KIF13A: variants seen among roughly 807,000 people sequenced by gnomAD.
KIF13A encodes the protein kinesin-like protein KIF13A.
KIF13A carries 79 observed loss-of-function variants against 212.2 expected under a neutral mutation model. The observed-to-expected ratio is 0.37, with a 90% CI of 0.31 to 0.45. The LOEUF (loss-of-function observed/expected upper bound fraction) is 0.45, where lower values mean the gene tolerates loss of function less well. Ranked by LOEUF, KIF13A falls within the 20% of genes least tolerant of loss-of-function variation. The pLI is 1.00. For missense variants in KIF13A, 1,901 were observed against 2,209.0 expected (o/e 0.86, Z 2.79); for synonymous variants, 789 against 808.6 (o/e 0.98, Z 0.41).
At chr6:17,788,313 A>G (rs147397095) in intron 26 of KIF13A, among the ~76,000 whole-genome samples, 70 of 152,338 alleles carry the variant, frequency 4.6e-4, no homozygotes, top group African/African-American at 1.5e-3. Context: ...GTGGTCTGAT[A>G]ACATAGATTT....
chr6:17,956,559 A>G (rs370897245), intron 2 of KIF13A, among the ~76,000 whole-genome samples: 81 of 152,330 alleles, frequency 5.3e-4, no homozygotes, highest in African/African-American at 1.8e-3. Context: ...AGGCTGTGAT[A>G]TTATGGTGAT....
chr6:17,965,097 T>G (rs1229447326), intron 2 of KIF13A, among the ~76,000 whole-genome samples: 1 of 152,146 alleles, frequency 6.6e-6, no homozygotes, highest in Non-Finnish European at 1.5e-5. Context: ...CCCATAGCGC[T>G]GAGATTAAGG....
At position 17,781,035 on chromosome 6, in the gene KIF13A, T is replaced by C. The variant is rs1760521821; in HGVS notation, c.3670-129A>G. The C allele has an allele frequency of 3.6e-6, 5 of 1,373,550 alleles. No homozygotes were observed. In the South Asian group the frequency reaches 5.2e-5, roughly 14 times the overall value. The allele number at this position is 1,373,550 out of a possible 1,614,324, so 85.1% of individuals were successfully genotyped here. ...TCAAATAGATTTCTTTCCTCACCTT[T>C]TTTAAACAGCAACACAAATGTTCTA... On this transcript the variant is annotated intron_variant, in intron 30 of 38. Coordinates refer to ENST00000259711, the MANE Select transcript of KIF13A (RefSeq NM_022113.6).
At chr6:17,966,596 T>C (rs987839539) in intron 2 of KIF13A, among the ~76,000 whole-genome samples, 1 of 152,054 alleles carries the variant, frequency 6.6e-6, no homozygotes, top group Non-Finnish European at 1.5e-5. Context: ...GAGTGTCTCC[T>C]AGATCTAATC....
chr6:17,846,858 T>C (rs1000460992), intron 9 of KIF13A, among the ~76,000 whole-genome samples: 1 of 152,152 alleles, frequency 6.6e-6, no homozygotes, highest in Admixed American at 6.5e-5. Context: ...TGCACAGCCA[T>C]CCCCACAAGT....
chr6:17,935,311 C>T (rs1050851275), intron 2 of KIF13A, among the ~76,000 whole-genome samples: 9 of 152,116 alleles, frequency 5.9e-5, no homozygotes, highest in African/African-American at 2.2e-4. Context: ...TTCTGCTGAG[C>T]CCCCATGGGA....
chr6:17,800,217 C>A, intron 20 of KIF13A, 104 bp from the exon 21 acceptor site: 1 of 1,098,882 alleles, frequency 9.1e-7, no homozygotes, highest in South Asian at 1.6e-5. Flanking sequence ...AGGGGCTCTG[C>A]AGCTGCTGCT....
At chr6:17,782,616 C>CA (rs1382219423) in intron 29 of KIF13A, among the ~76,000 whole-genome samples, 1 of 137,196 alleles carries the variant, frequency 7.3e-6, no homozygotes, top group Admixed American at 7.2e-5. Context: ...GCCTGGGTGA[C>CA]AGAGTGAGAC....
intron 2 of KIF13A, chr6:17,953,795 C>CT (rs1778095250): frequency 5.5e-6 from 1 of 182,474 alleles, no homozygotes; most frequent in South Asian, 1.1e-4. Flanking sequence ...CGACAGGAGA[C>CT]TAGGGGAATA....
intron 2 of KIF13A, among the ~76,000 whole-genome samples, chr6:17,953,310 T>G (rs1778042259): frequency 6.6e-6 from 1 of 152,196 alleles, no homozygotes; most frequent in Admixed American, 6.5e-5. Context: ...CACACCCATA[T>G]TCTCTCTTTC....
At chr6:17,980,687 A>G (rs1159901499) in intron 2 of KIF13A, among the ~76,000 whole-genome samples, 1 of 152,188 alleles carries the variant, frequency 6.6e-6, no homozygotes, top group Admixed American at 6.5e-5. Flanking sequence ...TGAGGGAAAA[A>G]AGCAACAATC....
intron 28 of KIF13A, among the ~76,000 whole-genome samples, chr6:17,784,336 T>A (rs1760863073): frequency 6.6e-6 from 1 of 152,062 alleles, no homozygotes; most frequent in Non-Finnish European, 1.5e-5. Flanking sequence ...GAGGATGGCT[T>A]GAACCTGGGA....
In KIF13A at chr6:17,836,883, C is replaced by T. The variant is rs760361283; in HGVS notation, c.1150G>A (p.Ala384Thr). The change falls in exon 11 of 39, where the codon GCA (alanine) becomes ACA (threonine). Residue 384 changes from alanine (A) to threonine (T), a missense_variant. Transcript: ENST00000259711. ...VEKLREQLSQ[A>T]EAMKAPELKE... ...GAGTACCAGGCTGCTTTTACCTCTG[C>T]CTGAGAGAGCTGCTCTCTCAGTTTC... 6 of 1,613,476 alleles carry T rather than the reference C, an allele frequency of 3.7e-6. No individual in the cohort carries two copies. The highest frequency in any genetic ancestry group is 5.1e-6 in the Non-Finnish European group (6 of 1,179,500).
intron 2 of KIF13A, among the ~76,000 whole-genome samples, chr6:17,962,403 G>C (rs2150589584): frequency 6.6e-6 from 1 of 152,286 alleles, no homozygotes; most frequent in Non-Finnish European, 1.5e-5. Flanking sequence ...AGGCTGAGGA[G>C]AAGAAGCAAT....
At chr6:17,861,193 G>T (rs995956880) in intron 4 of KIF13A, among the ~76,000 whole-genome samples, 3 of 151,904 alleles carry the variant, frequency 2.0e-5, no homozygotes, top group African/African-American at 4.8e-5. Flanking sequence ...ATTATACTAC[G>T]TTTCTGAAAA....
At chr6:17,848,674 T>A (rs1020915749) in intron 9 of KIF13A, among the ~76,000 whole-genome samples, 3 of 146,958 alleles carry the variant, frequency 2.0e-5, no homozygotes, top group Admixed American at 1.4e-4. Context: ...CAAGTAATTC[T>A]CACCCCTTGG....
At chr6:17,792,540 T>C (rs1393504908) in intron 25 of KIF13A, among the ~76,000 whole-genome samples, 1 of 152,176 alleles carries the variant, frequency 6.6e-6, no homozygotes. Context: ...TGCAGCCACG[T>C]AGAAGTTGAT....
chr6:17,829,467 C>G lies in KIF13A; in HGVS notation c.1402-1097G>C, dbSNP rs114869473. On this transcript the variant is annotated intron_variant, in intron 13 of 38. Coordinates refer to ENST00000259711, the MANE Select transcript of KIF13A (RefSeq NM_022113.6). This position sits in a 1 kb window ranked among gnomAD's most constrained non-coding sequence, Gnocchi z 5.4. ...CTTTTAGAACTGCTTGCTTACACTG[C>G]AAAGTGAGAAATAGGACATCTGATT... Among the ~76,000 whole-genome samples, 3,866 of 152,242 alleles carry G rather than the reference C, an allele frequency of 0.025. 74 individuals carry two copies. Among genetic ancestry groups the G allele is most frequent in the Non-Finnish European group, 0.04 (2,733 of 68,016 alleles).
Position 17,768,626 on chromosome 6 carries a change from T to G in KIF13A, c.4581+2488A>C, listed in dbSNP as rs754219612. On this transcript the variant is annotated intron_variant, in intron 38 of 38. Transcript: ENST00000259711. This position sits in a 1 kb window ranked among gnomAD's most constrained non-coding sequence, Gnocchi z 5.4. Reference sequence around the variant, plus strand: ...TTGAAAGCACCTGGAGTCACTGGAGTCCCCTTAATTATGCTGAGGAATGGG... The same window carrying G: ...TTGAAAGCACCTGGAGTCACTGGAGGCCCCTTAATTATGCTGAGGAATGGG... Among the ~76,000 whole-genome samples the G allele has an allele frequency of 2.0e-5, 3 of 152,160 alleles. No individual in the cohort carries two copies. Among genetic ancestry groups the G allele is most frequent in the Non-Finnish European group, 4.4e-5 (3 of 68,030 alleles).
Sources: allele counts gnomAD v4.1 joint callset (sites outside exome capture counted in the v4.1 genomes callset), GRCh38; gene constraint gnomAD v4.1.1; non-coding constraint Gnocchi (gnomAD v3.1); transcripts MANE v1.5; gene names NCBI Gene and HGNC (gene_info 2026-07-23, HGNC 2026-07-21).